The following DENND1B variants were observed in gnomAD, a reference collection of about 807,000 sequenced individuals.
DENND1B encodes the protein DENN domain-containing protein 1B.
A neutral mutation model predicts 90.1 loss-of-function variants in DENND1B; 59 were observed. The ratio of observed to expected loss-of-function variants is 0.65; its 90% CI spans 0.53 to 0.81. DENND1B has a LOEUF of 0.81. DENND1B is among the 40% of genes least tolerant of loss of function. The pLI is 0.00. For missense variants in DENND1B, 862 were observed against 912.6 expected, an observed-to-expected ratio of 0.94 and a Z score of 0.71; for synonymous variants, 337 against 324.6, an observed-to-expected ratio of 1.04 and a Z score of -0.41.
intron 10 of DENND1B, among the ~76,000 whole-genome samples, chr1:197,632,150 A>G (rs1015435122): frequency 5.3e-5 from 8 of 152,058 alleles, no homozygotes; most frequent in African/African-American, 1.9e-4. Flanking sequence ...GATTCCCCCT[A>G]CTGCATTTCT....
intron 2 of DENND1B, among the ~76,000 whole-genome samples, chr1:197,749,461 C>A (rs1037208762): frequency 1.3e-5 from 2 of 151,870 alleles, no homozygotes; most frequent in African/African-American, 4.8e-5. Flanking sequence ...TAGGTATCAT[C>A]AAAAACTATG....
chr1:197,667,487 T>G (rs980974762), intron 5 of DENND1B, among the ~76,000 whole-genome samples: 1 of 152,162 alleles, frequency 6.6e-6, no homozygotes, highest in Non-Finnish European at 1.5e-5. Flanking sequence ...CAGAGTACAG[T>G]GGCACAATCT....
At chr1:197,777,030 C>T (rs1657304326), upstream of DENND1B, among the ~76,000 whole-genome samples, 1 of 151,936 alleles carries the variant, frequency 6.6e-6, no homozygotes, top group Non-Finnish European at 1.5e-5. Flanking sequence ...ATTAGGCAAA[C>T]TATACTACAT....
intron 13 of DENND1B, among the ~76,000 whole-genome samples, chr1:197,604,457 G>T (rs1056562872): frequency 3.3e-5 from 5 of 151,116 alleles, no homozygotes; most frequent in African/African-American, 1.2e-4. Context: ...GAAGATTACA[G>T]CATGCAACAC....
chr1:197,517,558 G>GT (rs1231181961), intron 20 of DENND1B, among the ~76,000 whole-genome samples: 1 of 151,832 alleles, frequency 6.6e-6, no homozygotes, highest in African/African-American at 2.4e-5. Context: ...AAAATACGTA[G>GT]TAACTGCCTA....
In DENND1B at chr1:197,540,037, G is replaced by C; in HGVS notation, c.1442C>G (p.Ser481Cys). 1 of 1,611,284 alleles carries C rather than the reference G, an allele frequency of 6.2e-7. No homozygotes were observed. Among genetic ancestry groups the C allele is most frequent in the Non-Finnish European group, 8.5e-7 (1 of 1,178,792 alleles). ...TTTGTAAACTGGTGTATATTGTACA[G>C]AACTAGAACAGGTCCCATAATCTTC... ...NEEDYGTCSS[S>C]VQYTPVYKLH... The change falls in exon 20 of 23, where the codon TCT becomes TGT. Residue 481 changes from serine (S) to cysteine (C), a missense_variant. Coordinates refer to ENST00000620048, the MANE Select transcript of DENND1B (RefSeq NM_001195215.2).
At chr1:197,728,900 C>T (rs913414185) in intron 2 of DENND1B, among the ~76,000 whole-genome samples, 6 of 152,096 alleles carry the variant, frequency 3.9e-5, no homozygotes, top group African/African-American at 1.4e-4. Flanking sequence ...CACTTCCTAC[C>T]CAATTCCATC....
intron 15 of DENND1B, among the ~76,000 whole-genome samples, chr1:197,569,431 C>T (rs1250957208): frequency 6.6e-6 from 1 of 151,990 alleles, no homozygotes; most frequent in Non-Finnish European, 1.5e-5. Context: ...GGAATATATC[C>T]AAAGGAAATG....
intron 3 of DENND1B, among the ~76,000 whole-genome samples, 180 bp downstream of exon 3, chr1:197,714,851 A>C (rs1472784112): frequency 6.6e-6 from 1 of 152,154 alleles, no homozygotes. Flanking sequence ...CTACTTGGTA[A>C]CTTTAAAAGA....
intron 15 of DENND1B, among the ~76,000 whole-genome samples, chr1:197,554,281 T>TA (rs1671512190): frequency 1.3e-5 from 2 of 152,108 alleles, no homozygotes; most frequent in South Asian, 4.2e-4. Flanking sequence ...AGGCAGGGGA[T>TA]AACATAGGAA....
chr1:197,753,985 C>A (rs1653924423), intron 2 of DENND1B, among the ~76,000 whole-genome samples: 2 of 151,342 alleles, frequency 1.3e-5, no homozygotes, highest in African/African-American at 4.9e-5. Flanking sequence ...GGCAACAGAG[C>A]AAGATTCTAA....
chr1:197,703,862 C>A (rs542659766), intron 3 of DENND1B, among the ~76,000 whole-genome samples: 52 of 152,262 alleles, frequency 3.4e-4, no homozygotes, highest in African/African-American at 1.2e-3. Context: ...CCTCTCTTCA[C>A]TCACATAGAA....
At chr1:197,591,572 A>T (rs1342149214) in intron 14 of DENND1B, among the ~76,000 whole-genome samples, 2 of 152,232 alleles carry the variant, frequency 1.3e-5, no homozygotes, top group African/African-American at 4.8e-5. Flanking sequence ...TAAAGGGAAG[A>T]GGATGAAGCA....
At chr1:197,544,872 GAGATGA>G (rs1426575846) in intron 18 of DENND1B, among the ~76,000 whole-genome samples, 1 of 57,136 alleles carries the variant, frequency 1.8e-5, no homozygotes, top group African/African-American at 5.5e-5. Flanking sequence ...GGAGGAGAAG[GAGATGA>G]AGAGGAAGAG....
chr1:197,524,334 C>T (rs1156811184), intron 20 of DENND1B, among the ~76,000 whole-genome samples: 1 of 152,122 alleles, frequency 6.6e-6, no homozygotes, highest in East Asian at 1.9e-4. Flanking sequence ...TGTCACTACA[C>T]TAATTCTAAT....
In DENND1B at chr1:197,595,166, A is replaced by G. The variant is rs752799674; in HGVS notation, c.1047+42T>C. 3.2e-6 allele frequency: 5 copies of G among 1,574,470 alleles called. No homozygotes were observed. In the East Asian group the frequency reaches 9.2e-5, roughly 29 times the overall value. ...TTTTTCTGTCTCATTCCAAAGAACC[A>G]TAAAAAAGCAAATTAAAACAGTGAT... On this transcript the variant is annotated intron_variant, in intron 14 of 22. Coordinates refer to ENST00000620048, the MANE Select transcript of DENND1B (RefSeq NM_001195215.2).
intron 2 of DENND1B, among the ~76,000 whole-genome samples, chr1:197,755,210 A>G (rs977781703): frequency 6.6e-6 from 1 of 152,234 alleles, no homozygotes; most frequent in Non-Finnish European, 1.5e-5. Context: ...TCTGCCAGTT[A>G]TATGTATCAG....
intron 6 of DENND1B, among the ~76,000 whole-genome samples, chr1:197,657,341 C>A (rs764128902): frequency 1.3e-5 from 2 of 152,286 alleles, no homozygotes; most frequent in South Asian, 2.1e-4. Context: ...AAGTACTTCT[C>A]TAGAGACTTT....
intron 20 of DENND1B, among the ~76,000 whole-genome samples, chr1:197,515,722 G>A (rs536300480): frequency 1.3e-5 from 2 of 151,856 alleles, no homozygotes; most frequent in South Asian, 2.1e-4. Context: ...CAGATACTAC[G>A]AAGTTAAATT....
Sources: allele counts gnomAD v4.1 joint callset (sites outside exome capture counted in the v4.1 genomes callset), GRCh38; gene constraint gnomAD v4.1.1; transcripts MANE v1.5; gene names NCBI Gene and HGNC (gene_info 2026-07-23, HGNC 2026-07-21).